Variants in TNFSF11 observed in about 807,000 individuals in gnomAD.
TNFSF11 encodes TNF superfamily member 11.
A neutral mutation model predicts 32.2 loss-of-function variants in TNFSF11; 12 were observed. The observed-to-expected ratio is 0.37, with a 90% confidence interval of 0.24 to 0.60. TNFSF11 has a LOEUF of 0.60. TNFSF11 is among the 20% of genes least tolerant of loss of function. The pLI is 0.66. For synonymous variants in TNFSF11, 172 were observed against 152.1 expected (o/e 1.13, Z -0.96); for missense variants, 345 against 398.0 (o/e 0.87, Z 1.13).
At chr13:42,572,532 T>C (rs549229687), upstream of TNFSF11, among the ~76,000 whole-genome samples, 1 of 152,056 alleles carries the variant, frequency 6.6e-6, no homozygotes, top group South Asian at 2.1e-4. Context: ...TAAACCTACT[T>C]CCCAAAGTTA....
intron 2 of TNFSF11, among the ~76,000 whole-genome samples, chr13:42,593,262 T>C (rs74854450): frequency 0.027 from 4,105 of 152,272 alleles, 176 homozygotes; most frequent in African/African-American, 0.093. Context: ...GAATTGCATA[T>C]TTCTTATTAT....
chr13:42,583,793 T>A (rs1873752671), intron 2 of TNFSF11, among the ~76,000 whole-genome samples: 1 of 152,108 alleles, frequency 6.6e-6, no homozygotes, highest in Admixed American at 6.6e-5. Flanking sequence ...CTACGTTATT[T>A]AGCGTTGTTC....
intron 2 of TNFSF11, among the ~76,000 whole-genome samples, chr13:42,599,654 G>T (rs1356293286): frequency 6.6e-6 from 1 of 151,906 alleles, no homozygotes. Flanking sequence ...AACCTCCCCC[G>T]CAACCTCCCG....
rs12721444 is a variant in TNFSF11 at position 42,607,663 on chromosome 13, T to C, written c.*745T>C. 984 of 152,864 alleles carry C rather than the reference T, an allele frequency of 6.4e-3. 8 individuals carry two copies. The highest frequency in any genetic ancestry group is 0.015 in the South Asian group (73 of 4,826). The allele number at this position is 152,864 out of a possible 1,614,324, so 9.5% of individuals were successfully genotyped here. A position where few individuals can be genotyped will look rare whatever the true frequency, so the allele number is the denominator to read the frequency against. On this transcript the variant is annotated 3_prime_UTR_variant, in exon 5 of 5. Coordinates refer to ENST00000398795, the MANE Select transcript of TNFSF11 (RefSeq NM_003701.4). ...TAGATTTTTTCAGACTTGTCAAGCC[T>C]GTGCAAAAAAATTAAAATGGATGCC...
intron 2 of TNFSF11, among the ~76,000 whole-genome samples, chr13:42,591,573 A>G (rs998157117): frequency 1.3e-5 from 2 of 152,122 alleles, no homozygotes; most frequent in African/African-American, 4.8e-5. Context: ...CCTGCTCTTA[A>G]AGTTCTTTGC....
At chr13:42,574,043 A>C, upstream of TNFSF11, 1 of 538,104 alleles carries the variant, frequency 1.9e-6, no homozygotes. Context: ...AAAGGAAGGA[A>C]GGGGAGCCAG....
At chr13:42,579,704 C>CTTTTTTTTTTTTTTTTTT (rs59375842) in intron 1 of TNFSF11, among the ~76,000 whole-genome samples, 6 of 65,502 alleles carry the variant, frequency 9.2e-5, no homozygotes, top group African/African-American at 1.2e-4. Context: ...TAAGTAAGCC[C>CTTTTTTTTTTTTTTTTTT]TTTTTTTTTT....
At chr13:42,589,814 G>A (rs346587) in intron 2 of TNFSF11, among the ~76,000 whole-genome samples, 152,274 of 152,392 alleles carry the variant, frequency 1, 76,078 homozygotes, top group Non-Finnish European at 1. Context: ...AGCCTCCATC[G>A]GTAAACTTTG....
upstream of TNFSF11, among the ~76,000 whole-genome samples, chr13:42,571,986 G>A (rs1011516754): frequency 8.5e-5 from 13 of 152,222 alleles, no homozygotes; most frequent in African/African-American, 2.4e-4. Flanking sequence ...AGCAAGAGTC[G>A]TTGAACATAT....
In TNFSF11 at chr13:42,574,427, C is replaced by A. The variant is rs765164850; in HGVS notation, c.124C>A (p.Pro42Thr). ...GCCGCCGCCTGCGCCGCACCAGCCC[C>A]CTGCCGCCTCCCGCTCCATGTTCGT... ...APPPPAPHQPPAASRSMFVAL... is the reference protein window; with the variant it reads ...APPPPAPHQPTAASRSMFVAL... The change falls in exon 1 of 5, where the codon CCT (proline) becomes ACT (threonine). Residue 42 changes from proline to threonine, a missense_variant. Coordinates refer to ENST00000398795, the MANE Select transcript of TNFSF11 (RefSeq NM_003701.4). 2 of 1,598,178 alleles carry A rather than the reference C, an allele frequency of 1.3e-6. No individual in the cohort carries two copies. The highest frequency in any genetic ancestry group is 1.7e-6 in the Non-Finnish European group (2 of 1,175,174).
intron 2 of TNFSF11, among the ~76,000 whole-genome samples, chr13:42,599,402 T>G (rs958053625): frequency 2.0e-4 from 29 of 141,886 alleles, no homozygotes; most frequent in Admixed American, 2.8e-4. Context: ...CTCAAAGCCC[T>G]CCTCTCTAGA....
chr13:42,589,809 C>T (rs1289026061), intron 2 of TNFSF11, among the ~76,000 whole-genome samples: 2 of 152,248 alleles, frequency 1.3e-5, no homozygotes, highest in Non-Finnish European at 2.9e-5. Flanking sequence ...CTCCTAGCCT[C>T]CATCGGTAAA....
chr13:42,564,172 T>A (rs1872786499), intron 1 of TNFSF11, among the ~76,000 whole-genome samples: 1 of 152,242 alleles, frequency 6.6e-6, no homozygotes, highest in Admixed American at 6.5e-5. Context: ...CACATGCTTA[T>A]TTTTAAAAAC....
chr13:42,599,349 C>CATCTATCTATCTATCT (rs1555310744), intron 2 of TNFSF11, among the ~76,000 whole-genome samples: 368 of 112,222 alleles, frequency 3.3e-3, no homozygotes, highest in East Asian at 5.7e-3. Context: ...ATCTATCTAT[C>CATCTATCTATCTATCT]ATCTATCTAT....
chr13:42,598,693 TG>T (rs1274169443), intron 2 of TNFSF11, among the ~76,000 whole-genome samples: 1 of 152,174 alleles, frequency 6.6e-6, no homozygotes, highest in African/African-American at 2.4e-5. Flanking sequence ...AAACTGCTGA[TG>T]TGAGAAAGAC....
chr13:42,584,269 TTAATA>T (rs1326182737), intron 2 of TNFSF11, among the ~76,000 whole-genome samples: 1 of 152,216 alleles, frequency 6.6e-6, no homozygotes, highest in Non-Finnish European at 1.5e-5. Context: ...TGTATATAAT[TTAATA>T]TAATACAACA....
At chr13:42,600,330 C>T (rs1211171028) in intron 2 of TNFSF11, among the ~76,000 whole-genome samples, 8 of 152,148 alleles carry the variant, frequency 5.3e-5, no homozygotes, top group African/African-American at 1.7e-4. Flanking sequence ...AGTATTATAA[C>T]AGAAATTCAC....
intron 2 of TNFSF11, among the ~76,000 whole-genome samples, chr13:42,597,284 C>A (rs1266976277): frequency 6.6e-6 from 1 of 150,830 alleles, no homozygotes; most frequent in East Asian, 1.9e-4. Context: ...AGCAGCATTA[C>A]CTCTTGGGTC....
intron 1 of TNFSF11, among the ~76,000 whole-genome samples, chr13:42,575,115 G>A (rs540105279): frequency 6.6e-6 from 1 of 152,172 alleles, no homozygotes; most frequent in Non-Finnish European, 1.5e-5. Context: ...AGAGAGGCGC[G>A]GGCTCGGGAT....
Sources: gnomAD v4.1 joint callset for allele counts (sites outside exome capture counted in the v4.1 genomes callset) on GRCh38, gnomAD v4.1.1 for gene constraint, MANE v1.5 for transcripts, NCBI Gene and HGNC (gene_info 2026-07-23, HGNC 2026-07-21) for gene names.